TMTC2: variants seen among roughly 807,000 people sequenced by gnomAD.
TMTC2 encodes the protein protein O-mannosyl-transferase TMTC2.
Under a neutral mutation model 82.4 loss-of-function variants are expected in TMTC2, and 43 were observed. The observed-to-expected ratio is 0.52, with a 90% CI of 0.41 to 0.67. The LOEUF is 0.67. Among genes scored for constraint, TMTC2 ranks in the 30% least tolerant of loss-of-function variants. The pLI is 0.00. For missense variants in TMTC2, 919 were observed against 1,012.4 expected, an observed-to-expected ratio of 0.91 and a Z score of 1.25; for synonymous variants, 408 against 381.9, an observed-to-expected ratio of 1.07 and a Z score of -0.80.
At chr12:82,881,681 C>T (rs959448152) in intron 2 of TMTC2, among the ~76,000 whole-genome samples, 32 of 152,206 alleles carry the variant, frequency 2.1e-4, no homozygotes, top group Admixed American at 2.1e-3. Context: ...ATGAAATACT[C>T]CACTAGCTTA....
intron 1 of TMTC2, among the ~76,000 whole-genome samples, chr12:82,709,168 C>T (rs1565716776): frequency 6.6e-6 from 1 of 151,926 alleles, no homozygotes; most frequent in Non-Finnish European, 1.5e-5. Flanking sequence ...TGAGACTCCC[C>T]ATTTGTCAAA....
intron 10 of TMTC2, among the ~76,000 whole-genome samples, chr12:83,060,338 G>A (rs1192263545): frequency 2.0e-5 from 3 of 151,378 alleles, no homozygotes; most frequent in African/African-American, 7.3e-5. Context: ...GGTTGCATGG[G>A]GTATGTTTTT....
intron 8 of TMTC2, among the ~76,000 whole-genome samples, chr12:83,000,959 G>A (rs1879892198): frequency 6.6e-6 from 1 of 152,126 alleles, no homozygotes; most frequent in Admixed American, 6.5e-5. Flanking sequence ...CTGTACCTTG[G>A]CTCATTTTAG....
At chr12:82,830,713 A>G (rs1449153340) in intron 1 of TMTC2, among the ~76,000 whole-genome samples, 1 of 152,208 alleles carries the variant, frequency 6.6e-6, no homozygotes, top group East Asian at 1.9e-4. Context: ...TGTCAGGGCA[A>G]TGGATTATGG....
intron 1 of TMTC2, among the ~76,000 whole-genome samples, chr12:82,834,186 CATTAATT>C (rs1201525628): frequency 6.6e-6 from 1 of 152,100 alleles, no homozygotes; most frequent in East Asian, 1.9e-4. Context: ...TACAGGAAGA[CATTAATT>C]AGTAATACAA....
chr12:83,106,773 ACT>A (rs1162360483), intron 11 of TMTC2, among the ~76,000 whole-genome samples: 3 of 152,156 alleles, frequency 2.0e-5, no homozygotes, highest in Non-Finnish European at 4.4e-5. Flanking sequence ...TATCTGTAAT[ACT>A]CTCTTATTGT....
intron 1 of TMTC2, among the ~76,000 whole-genome samples, chr12:82,793,400 T>G (rs1878560904): frequency 6.6e-6 from 1 of 151,468 alleles, no homozygotes; most frequent in Non-Finnish European, 1.5e-5. Flanking sequence ...GAATATATCT[T>G]CAGTTCTAAA....
intron 11 of TMTC2, among the ~76,000 whole-genome samples, chr12:83,071,111 T>TTAATATCAA (rs374034822): frequency 2.1e-4 from 32 of 152,284 alleles, no homozygotes; most frequent in African/African-American, 7.7e-4. Flanking sequence ...GTTAAAGATT[T>TTAATATCAA]TAATATCAAT....
At chr12:82,832,755 T>G (rs901440302) in intron 1 of TMTC2, among the ~76,000 whole-genome samples, 2 of 152,222 alleles carry the variant, frequency 1.3e-5, no homozygotes, top group African/African-American at 2.4e-5. Flanking sequence ...TCTAAACTTC[T>G]CTGAATTATA....
intron 11 of TMTC2, among the ~76,000 whole-genome samples, chr12:83,071,161 G>GT (rs71068973): frequency 0.46 from 61,993 of 135,272 alleles, 13,839 homozygotes; most frequent in South Asian, 0.54. Context: ...TTTTTTTTTT[G>GT]TTTTTTTTTT....
At chr12:82,730,679 C>T (rs529049372) in intron 1 of TMTC2, among the ~76,000 whole-genome samples, 8 of 152,252 alleles carry the variant, frequency 5.3e-5, no homozygotes, top group African/African-American at 1.9e-4. Flanking sequence ...GTTAAGTAAT[C>T]TCTAAATCAG....
At chr12:82,834,390 G>A (rs1869916631) in intron 1 of TMTC2, among the ~76,000 whole-genome samples, 1 of 152,156 alleles carries the variant, frequency 6.6e-6, no homozygotes, top group African/African-American at 2.4e-5. Context: ...ACCTCTGTTT[G>A]TGAATATCCA....
At chr12:83,076,650 C>A (rs578027212) in intron 11 of TMTC2, among the ~76,000 whole-genome samples, 239 of 152,294 alleles carry the variant, frequency 1.6e-3, no homozygotes, top group African/African-American at 5.5e-3. Flanking sequence ...TCTTATAATT[C>A]TCCTTGGTTG....
At chr12:83,058,950 G>A (rs1325653303) in intron 10 of TMTC2, among the ~76,000 whole-genome samples, 1 of 151,754 alleles carries the variant, frequency 6.6e-6, no homozygotes, top group Non-Finnish European at 1.5e-5. Flanking sequence ...TTAAAATGTG[G>A]TTAATAATAA....
At chr12:82,813,961 TGAA>T (rs1468844993) in intron 1 of TMTC2, among the ~76,000 whole-genome samples, 5 of 152,108 alleles carry the variant, frequency 3.3e-5, no homozygotes, top group Non-Finnish European at 7.4e-5. Context: ...GGAATAATAA[TGAA>T]GATGATAATG....
At position 82,801,728 on chromosome 12, in the gene TMTC2, A is replaced by G. The variant is rs377093329; in HGVS notation, c.84-55282A>G. ...TCTACAAACCTTGAGCTAGACACAG[A>G]GTGCCGATTGGTGTATTCACAATCC... On this transcript the variant is annotated intron_variant, in intron 1 of 11. Transcript: ENST00000321196. Among the ~76,000 whole-genome samples the G allele has an allele frequency of 1.4e-4, 22 of 152,240 alleles. No individual in the cohort carries two copies. The East Asian group carries it at 2.7e-3, about 19-fold the overall frequency.
chr12:82,922,331 G>T lies in TMTC2; in HGVS notation c.1484-8100G>T, dbSNP rs1392559038. Among the ~76,000 whole-genome samples the T allele has an allele frequency of 2.6e-5, 4 of 152,066 alleles. No homozygotes were observed. In the East Asian group the frequency reaches 7.7e-4, roughly 29 times the overall value. On this transcript the variant is annotated intron_variant, in intron 3 of 11. Coordinates refer to ENST00000321196, the MANE Select transcript of TMTC2 (RefSeq NM_152588.3). ...AGAATAAGTACCAAAGTGAAAATTT[G>T]AAGATAATCCCAAACATCTGTTTTG...
At chr12:82,905,045 T>G (rs1247472212) in intron 3 of TMTC2, among the ~76,000 whole-genome samples, 1 of 151,870 alleles carries the variant, frequency 6.6e-6, no homozygotes, top group Non-Finnish European at 1.5e-5. Flanking sequence ...TCTAGAACAT[T>G]TCTTGGTATA....
intron 1 of TMTC2, among the ~76,000 whole-genome samples, chr12:82,769,871 A>G (rs1249164365): frequency 6.6e-6 from 1 of 152,140 alleles, no homozygotes; most frequent in Admixed American, 6.6e-5. Context: ...CGGCCTCCCA[A>G]AGTGCTGGGA....
Sources: allele counts gnomAD v4.1 joint callset (sites outside exome capture counted in the v4.1 genomes callset), GRCh38; gene constraint gnomAD v4.1.1; transcripts MANE v1.5; gene names NCBI Gene and HGNC (gene_info 2026-07-23, HGNC 2026-07-21).